Variants in SAMD5 observed in about 807,000 individuals in gnomAD.
The protein encoded by SAMD5 is sterile alpha motif domain-containing protein 5.
In SAMD5, 13 loss-of-function variants were observed where a neutral mutation model predicts 11.3. The observed-to-expected ratio is 1.15, with a 90% CI of 0.75 to 1.83. SAMD5 has a LOEUF of 1.83. Among genes scored for constraint, SAMD5 ranks in the 40% most tolerant of loss-of-function variants. SAMD5 has a pLI of 0.00. For missense variants in SAMD5, 255 were observed against 239.1 expected (o/e 1.07, Z -0.44); for synonymous variants, 129 against 111.3 (o/e 1.16, Z -1.00).
the SAMD5 span, among the ~76,000 whole-genome samples, chr6:147,876,252 G>A: frequency 6.6e-6 from 1 of 152,222 alleles, no homozygotes; most frequent in Admixed American, 6.5e-5. Flanking sequence ...AGAAGAAGAT[G>A]TGAGGAACTG....
At chr6:147,934,420 G>C in the SAMD5 span, among the ~76,000 whole-genome samples, 1 of 152,026 alleles carries the variant, frequency 6.6e-6, no homozygotes, top group Non-Finnish European at 1.5e-5. Context: ...GGCCATAAGC[G>C]AAAAATCACC....
the SAMD5 span, among the ~76,000 whole-genome samples, chr6:147,869,626 T>C: frequency 2.1e-3 from 320 of 152,274 alleles, no homozygotes; most frequent in African/African-American, 7.2e-3. Context: ...ATTTAAAAAG[T>C]AAAAAACAAA....
chr6:147,548,363 T>G (rs1398764814), intron 1 of SAMD5, among the ~76,000 whole-genome samples: 1 of 152,230 alleles, frequency 6.6e-6, no homozygotes, highest in Admixed American at 6.5e-5. Flanking sequence ...TCTCTTACTG[T>G]CTTTCTAGAA....
rs371267778 is a variant in SAMD5 at position 147,716,508 on chromosome 6, C to T, written c.163-20809C>T. ...CGGGACTCCTGCCTGTTCCTGGCCC[C>T]CAAGAGCACAGGGATGCCCAGGTCT... On this transcript the variant is annotated intron_variant, in intron 1 of 1. Transcript: ENST00000566741. Among the ~76,000 whole-genome samples the T allele has an allele frequency of 2.6e-3, 393 of 152,358 alleles. 2 individuals are homozygous for T. Among genetic ancestry groups the T allele is most frequent in the African/African-American group, 9.0e-3 (375 of 41,590 alleles).
At chr6:147,693,412 A>G (rs1791131519) in intron 1 of SAMD5, among the ~76,000 whole-genome samples, 2 of 152,224 alleles carry the variant, frequency 1.3e-5, no homozygotes, top group Non-Finnish European at 2.9e-5. Flanking sequence ...GTACTTGAGG[A>G]AGATTCATAA....
chr6:147,923,788 G>A, the SAMD5 span, among the ~76,000 whole-genome samples: 1 of 152,174 alleles, frequency 6.6e-6, no homozygotes, highest in Non-Finnish European at 1.5e-5. Flanking sequence ...TGACACCTGG[G>A]CCCCTGATGG....
At chr6:147,706,532 C>T (rs1337806637) in intron 1 of SAMD5, among the ~76,000 whole-genome samples, 1 of 152,124 alleles carries the variant, frequency 6.6e-6, no homozygotes, top group Non-Finnish European at 1.5e-5. Context: ...CCAGCCATGA[C>T]AAGTCTTTAT....
chr6:147,631,796 G>A (rs544364252), intron 1 of SAMD5, among the ~76,000 whole-genome samples: 1 of 152,276 alleles, frequency 6.6e-6, no homozygotes, highest in Non-Finnish European at 1.5e-5. Flanking sequence ...GTGTAGGGAA[G>A]GGAGGGGGCC....
At chr6:147,661,071 A>G (rs1025862617) in intron 1 of SAMD5, among the ~76,000 whole-genome samples, 1 of 152,126 alleles carries the variant, frequency 6.6e-6, no homozygotes, top group East Asian at 1.9e-4. Flanking sequence ...CATATTGGCT[A>G]CCGGTGTGAA....
At chr6:147,666,838 T>C (rs865985854) in intron 1 of SAMD5, among the ~76,000 whole-genome samples, 8 of 152,188 alleles carry the variant, frequency 5.3e-5, no homozygotes, top group Non-Finnish European at 1.2e-4. Flanking sequence ...TTGATAACTT[T>C]TGTCCCAGCT....
At chr6:147,866,358 G>A in the SAMD5 span, among the ~76,000 whole-genome samples, 1 of 152,126 alleles carries the variant, frequency 6.6e-6, no homozygotes, top group African/African-American at 2.4e-5. Flanking sequence ...CAATACATGT[G>A]GTTTTGATGA....
intron 1 of SAMD5, among the ~76,000 whole-genome samples, chr6:147,639,130 A>G (rs1300791092): frequency 2.6e-5 from 4 of 152,170 alleles, no homozygotes; most frequent in Non-Finnish European, 5.9e-5. Flanking sequence ...AAAGTTATTC[A>G]TTTTCTGACC....
chr6:147,789,327 C>G, the SAMD5 span, among the ~76,000 whole-genome samples: 2 of 147,206 alleles, frequency 1.4e-5, no homozygotes, highest in African/African-American at 5.0e-5. Context: ...ACAGTCAAAA[C>G]CCAAAACACT....
At chr6:147,550,277 G>A (rs758733132) in intron 1 of SAMD5, among the ~76,000 whole-genome samples, 1 of 151,880 alleles carries the variant, frequency 6.6e-6, no homozygotes, top group African/African-American at 2.4e-5. Flanking sequence ...ATGTTGAAGG[G>A]AAAGGGAACA....
chr6:147,781,972 A>G, the SAMD5 span, among the ~76,000 whole-genome samples: 1 of 152,040 alleles, frequency 6.6e-6, no homozygotes, highest in African/African-American at 2.4e-5. Flanking sequence ...GGGTAAAGGG[A>G]CAATATGGAG....
At chr6:147,543,933 C>G (rs989108275) in intron 1 of SAMD5, among the ~76,000 whole-genome samples, 7 of 152,090 alleles carry the variant, frequency 4.6e-5, no homozygotes, top group African/African-American at 1.7e-4. Context: ...GCAAGCTCCT[C>G]TCTTTTAAAG....
intron 1 of SAMD5, among the ~76,000 whole-genome samples, chr6:147,691,478 C>G (rs964162080): frequency 2.6e-5 from 4 of 151,988 alleles, no homozygotes; most frequent in Non-Finnish European, 5.9e-5. Flanking sequence ...TTCAGATATA[C>G]CAAGAGATCG....
At chr6:147,803,800 C>T in the SAMD5 span, among the ~76,000 whole-genome samples, 3 of 152,188 alleles carry the variant, frequency 2.0e-5, no homozygotes, top group African/African-American at 7.2e-5. Flanking sequence ...CACACTGCCT[C>T]TCTTTAGGGT....
the SAMD5 span, among the ~76,000 whole-genome samples, chr6:147,758,569 C>G: frequency 1.8e-4 from 28 of 152,216 alleles, no homozygotes; most frequent in African/African-American, 6.5e-4. Flanking sequence ...CAGTAAAATG[C>G]AACAGTCTCC....
Sources: allele counts gnomAD v4.1 joint callset (sites outside exome capture counted in the v4.1 genomes callset), GRCh38; gene constraint gnomAD v4.1.1; transcripts MANE v1.5; gene names NCBI Gene and HGNC (gene_info 2026-07-23, HGNC 2026-07-21).